Variants in CIRSR observed in about 807,000 individuals in gnomAD.
The protein encoded by CIRSR is CBF1 (RBPJ) interacting corepressor 1.
the CIRSR span, among the ~76,000 whole-genome samples, chr2:174,377,352 G>A: frequency 1.3e-5 from 2 of 152,094 alleles, no homozygotes; most frequent in African/African-American, 2.4e-5. Context: ...TAGTTAGCTG[G>A]GGGCAAGGGA....
the CIRSR span, among the ~76,000 whole-genome samples, chr2:174,378,156 T>TAAG: frequency 6.6e-6 from 1 of 151,848 alleles, no homozygotes; most frequent in Non-Finnish European, 1.5e-5. Context: ...GTAAGATTTC[T>TAAG]TAAAAGAAAA....
the CIRSR span, chr2:174,351,545 A>G: frequency 8.0e-7 from 1 of 1,253,960 alleles, no homozygotes; most frequent in Non-Finnish European, 1.1e-6. Context: ...ATTGGAAAAC[A>G]TTAAGTAGCA....
the CIRSR span, among the ~76,000 whole-genome samples, chr2:174,352,210 CACACACACACACACACAT>C: frequency 6.6e-4 from 99 of 150,794 alleles, no homozygotes; most frequent in African/African-American, 2.4e-3. Flanking sequence ...GCTAATCACA[CACACACACACACACACAT>C]ACACACACAC....
chr2:174,395,432 A>C, the CIRSR span: 1 of 971,070 alleles, frequency 1.0e-6, no homozygotes, highest in African/African-American at 1.6e-5. Flanking sequence ...CCAGGGCTTT[A>C]GGCCTAGAGA....
the CIRSR span, among the ~76,000 whole-genome samples, chr2:174,394,041 C>T: frequency 1.3e-5 from 2 of 152,174 alleles, no homozygotes; most frequent in African/African-American, 4.8e-5. Context: ...ATATTTGGTA[C>T]ATTTTACATA....
the CIRSR span, among the ~76,000 whole-genome samples, chr2:174,363,308 AC>A: frequency 2.0e-5 from 3 of 152,288 alleles, no homozygotes; most frequent in South Asian, 2.1e-4. Flanking sequence ...CAAGGCTCAG[AC>A]CCTTAATCCT....
At chr2:174,392,185 A>G in the CIRSR span, among the ~76,000 whole-genome samples, 2 of 152,136 alleles carry the variant, frequency 1.3e-5, no homozygotes, top group African/African-American at 2.4e-5. Flanking sequence ...TTTAGTAGAG[A>G]CAGGGTTTCA....
the CIRSR span, chr2:174,387,540 G>T: frequency 1.2e-6 from 1 of 814,522 alleles, no homozygotes; most frequent in East Asian, 3.2e-5. Context: ...AGGTATGAGA[G>T]TAAAAGAGAT....
the CIRSR span, among the ~76,000 whole-genome samples, chr2:174,356,531 A>AAGGAAGG: frequency 1.1e-4 from 15 of 133,662 alleles, no homozygotes; most frequent in East Asian, 2.4e-3. Flanking sequence ...AAGAAAGAAG[A>AAGGAAGG]AAGGAAGGAA....
chr2:174,354,562 T>TTATATATTATATATTATATATAATATAA, the CIRSR span, among the ~76,000 whole-genome samples: 3 of 15,574 alleles, frequency 1.9e-4, no homozygotes, highest in African/African-American at 3.6e-4. Context: ...TATATATATT[T>TTATATATTATATATTATATATAATATAA]TATATATTAT....
At chr2:174,354,958 TTAG>T in the CIRSR span, among the ~76,000 whole-genome samples, 2 of 151,026 alleles carry the variant, frequency 1.3e-5, no homozygotes, top group Non-Finnish European at 2.9e-5. Flanking sequence ...AAAAATGCTC[TTAG>T]TAGTAATACT....
At chr2:174,376,816 AAAAAG>A in the CIRSR span, among the ~76,000 whole-genome samples, 1 of 146,592 alleles carries the variant, frequency 6.8e-6, no homozygotes, top group African/African-American at 2.5e-5. Flanking sequence ...AAAAAAAAAA[AAAAAG>A]AAAGAAATGG....
the CIRSR span, chr2:174,387,611 A>G: frequency 2.0e-6 from 3 of 1,470,426 alleles, no homozygotes; most frequent in Admixed American, 2.4e-5. Flanking sequence ...AACTGACTTA[A>G]TATATCATTC....
the CIRSR span, among the ~76,000 whole-genome samples, chr2:174,365,430 A>G: frequency 6.6e-6 from 1 of 152,102 alleles, no homozygotes; most frequent in African/African-American, 2.4e-5. Context: ...TTGCTTCCAC[A>G]TTTTCAGTTA....
the CIRSR span, chr2:174,387,860 T>TA: frequency 1.6e-6 from 2 of 1,251,660 alleles, no homozygotes; most frequent in East Asian, 2.5e-5. Flanking sequence ...TAATAAAATA[T>TA]AAAATGCAAT....
At chr2:174,394,900 T>C in the CIRSR span, among the ~76,000 whole-genome samples, 1 of 152,218 alleles carries the variant, frequency 6.6e-6, no homozygotes, top group Non-Finnish European at 1.5e-5. Flanking sequence ...AAGTCAATCA[T>C]CCTTAATTTA....
the CIRSR span, among the ~76,000 whole-genome samples, chr2:174,352,589 T>A: frequency 6.6e-6 from 1 of 152,070 alleles, no homozygotes; most frequent in African/African-American, 2.4e-5. Context: ...AATAAATAAA[T>A]AATTTTTTTT....
At chr2:174,368,772 T>G in the CIRSR span, among the ~76,000 whole-genome samples, 1 of 152,212 alleles carries the variant, frequency 6.6e-6, no homozygotes. Flanking sequence ...GCATTGTAAA[T>G]GAGCAGTAAG....
the CIRSR span, among the ~76,000 whole-genome samples, chr2:174,379,886 G>A: frequency 1.3e-5 from 2 of 151,832 alleles, no homozygotes; most frequent in African/African-American, 2.4e-5. Context: ...ACCATGGCTA[G>A]CTAATTTTTT....
Sources: allele counts gnomAD v4.1 joint callset (sites outside exome capture counted in the v4.1 genomes callset), GRCh38; gene constraint gnomAD v4.1.1; transcripts MANE v1.5; gene names NCBI Gene and HGNC (gene_info 2026-07-23, HGNC 2026-07-21).